The following SYT17 variants were observed in gnomAD, a reference collection of about 807,000 sequenced individuals.
SYT17 encodes synaptotagmin-17.
In SYT17, 22 loss-of-function variants were observed where a neutral mutation model predicts 46.7. That is an observed-to-expected ratio of 0.47 (90% CI 0.34 to 0.67). SYT17 has a LOEUF of 0.67. Among genes scored for constraint, SYT17 ranks in the 30% least tolerant of loss-of-function variants. SYT17 has a pLI of 0.01. For missense variants in SYT17, 519 were observed against 612.8 expected (o/e 0.85, Z 1.62); for synonymous variants, 251 against 248.4 (o/e 1.01, Z -0.10).
chr16:19,203,239 C>A (rs962798691), intron 5 of SYT17, among the ~76,000 whole-genome samples: 2 of 151,906 alleles, frequency 1.3e-5, no homozygotes, highest in East Asian at 3.9e-4. Flanking sequence ...GCCTGTAATC[C>A]CAGCAGTTTG....
At chr16:19,266,404 C>T (rs955740419) in intron 7 of SYT17, among the ~76,000 whole-genome samples, 18 of 152,230 alleles carry the variant, frequency 1.2e-4, no homozygotes, top group African/African-American at 3.6e-4. Context: ...AGGACAGTTA[C>T]GGCAAAGGAT....
In SYT17 at chr16:19,184,082, C is replaced by T; in HGVS notation, c.886C>T (p.Pro296Ser). Reference protein sequence around the residue: ...RHCVIGKVSVPLCEVDLVKGG... With the variant: ...RHCVIGKVSVSLCEVDLVKGG... ...CTGTGTCATTGGGAAAGTTTCTGTG[C>T]CTTTGTGTGAAGTTGACCTGGTCAA... is the stretch of plus-strand genomic sequence containing the variant. The change falls in exon 5 of 8, where the codon CCT (proline) becomes TCT (serine). Residue 296 changes from proline to serine, a missense_variant. Physicochemically the swap from Pro to Ser is moderately conservative, Grantham distance 74 (BLOSUM62 -1). Coordinates refer to ENST00000355377, the MANE Select transcript of SYT17 (RefSeq NM_016524.4). The T allele has an allele frequency of 6.2e-7, 1 of 1,614,154 alleles. No individual in the cohort carries two copies. Among genetic ancestry groups the T allele is most frequent in the South Asian group, 1.1e-5 (1 of 91,090 alleles).
chr16:19,214,663 G>C (rs1966025074), intron 5 of SYT17, among the ~76,000 whole-genome samples: 1 of 152,130 alleles, frequency 6.6e-6, no homozygotes, highest in African/African-American at 2.4e-5. Flanking sequence ...CATATTCTGG[G>C]GCAGAGACCC....
At chr16:19,251,022 A>G (rs7359333) in intron 7 of SYT17, among the ~76,000 whole-genome samples, 2 of 151,964 alleles carry the variant, frequency 1.3e-5, no homozygotes, top group African/African-American at 2.4e-5. Flanking sequence ...TTGTGTGTAG[A>G]TGTCATTTTT....
chr16:19,188,601 G>A (rs1384682843), intron 5 of SYT17, among the ~76,000 whole-genome samples: 1 of 151,502 alleles, frequency 6.6e-6, no homozygotes, highest in African/African-American at 2.4e-5. Flanking sequence ...CAGAGATGGC[G>A]ATTTGGATGT....
intron 5 of SYT17, among the ~76,000 whole-genome samples, chr16:19,192,641 T>A (rs1332424140): frequency 6.6e-6 from 1 of 151,892 alleles, no homozygotes; most frequent in Non-Finnish European, 1.5e-5. Flanking sequence ...TTAGGAAAAA[T>A]TGCTGTGGTC....
chr16:19,168,306 G>A lies in SYT17; in HGVS notation c.-341G>A, dbSNP rs1479407333. ...TCGCTGCAGTCCCCGCAGCTGCCCC[G>A]GGCTGCTTGCCCAGGCGCCCCGGCC... is the stretch of plus-strand genomic sequence containing the variant. On this transcript the variant is annotated 5_prime_UTR_variant, in exon 1 of 8. Transcript: ENST00000355377. The surrounding 1 kb of genome is among the most constrained non-coding windows in gnomAD (Gnocchi z 6.9). The A allele has an allele frequency of 3.3e-6, 1 of 305,196 alleles. No homozygotes were observed. Among genetic ancestry groups the A allele is most frequent in the South Asian group, 3.8e-5 (1 of 26,338 alleles). 18.9% of individuals were successfully genotyped at this position (305,196 alleles called of 1,614,324 possible).
intron 7 of SYT17, 138 bp downstream of exon 7, chr16:19,224,976 T>A: frequency 1.1e-6 from 1 of 944,884 alleles, no homozygotes; most frequent in Non-Finnish European, 1.6e-6. Context: ...TGAACCCACT[T>A]AACATCTATG....
chr16:19,212,601 A>G (rs962226076), intron 5 of SYT17, among the ~76,000 whole-genome samples: 2 of 152,238 alleles, frequency 1.3e-5, no homozygotes, highest in African/African-American at 4.8e-5. Context: ...AACTTGAGCC[A>G]CAGAGCGAGA....
At chr16:19,189,177 C>G (rs997402358) in intron 5 of SYT17, among the ~76,000 whole-genome samples, 1 of 152,106 alleles carries the variant, frequency 6.6e-6, no homozygotes, top group Non-Finnish European at 1.5e-5. Context: ...TGAGCCACGT[C>G]TTTTCTCTTC....
At chr16:19,241,020 T>G (rs1967072149) in intron 7 of SYT17, among the ~76,000 whole-genome samples, 1 of 142,746 alleles carries the variant, frequency 7.0e-6, no homozygotes, top group South Asian at 2.3e-4. Context: ...GGATCTCGGC[T>G]CACTGCAAGC....
intron 7 of SYT17, among the ~76,000 whole-genome samples, chr16:19,241,706 A>C (rs1183098633): frequency 2.0e-5 from 3 of 151,228 alleles, no homozygotes; most frequent in African/African-American, 7.3e-5. Context: ...AGGACCATCC[A>C]CCTCCTTCCT....
intron 7 of SYT17, among the ~76,000 whole-genome samples, chr16:19,262,677 C>A (rs900333156): frequency 1.3e-5 from 2 of 152,160 alleles, no homozygotes; most frequent in African/African-American, 4.8e-5. Flanking sequence ...GCCTTGGTGT[C>A]CAGCATAGTT....
rs1567234764 is a variant in SYT17, at chr16:19,252,460, TATATATATAC to T, written c.1229-14410_1229-14401del. Among the ~76,000 whole-genome samples the T allele has an allele frequency of 1.3e-3, 13 of 9,968 alleles. 5 individuals are homozygous for T. The highest frequency in any genetic ancestry group is 7.0e-3 in the African/African-American group (13 of 1,856). 6.5% of individuals were successfully genotyped at this position (9,968 alleles called of 152,430 possible). A position where few individuals can be genotyped will look rare whatever the true frequency, so the allele number is the denominator to read the frequency against. ...ATACATATATATACACATATATACA[TATATATATAC>T]ATATATATATACATATATATATACA... On this transcript the variant is annotated intron_variant, in intron 7 of 7. Transcript: ENST00000355377.
At chr16:19,177,996 A>G (rs1286124195) in intron 3 of SYT17, among the ~76,000 whole-genome samples, 1 of 152,010 alleles carries the variant, frequency 6.6e-6, no homozygotes, top group Non-Finnish European at 1.5e-5. Context: ...AGTGGTGCAA[A>G]TTAGTTATTC....
chr16:19,173,616 T>G (rs1964196082), intron 3 of SYT17, 38 bp downstream of exon 3: 1 of 1,603,032 alleles, frequency 6.2e-7, no homozygotes, highest in African/African-American at 1.3e-5. Context: ...GAAATCAATT[T>G]CAAGACTTTT....
intron 5 of SYT17, among the ~76,000 whole-genome samples, chr16:19,207,392 G>A (rs1359015212): frequency 2.0e-5 from 3 of 152,168 alleles, no homozygotes; most frequent in African/African-American, 7.2e-5. Flanking sequence ...AATTTATAAA[G>A]AAGAGGTTTA....
In SYT17 at chr16:19,266,950, C is replaced by T; in HGVS notation, c.1299C>T (p.Gly433=). 3 of 1,613,834 alleles carry T rather than the reference C, an allele frequency of 1.9e-6. No individual in the cohort carries two copies. The highest frequency in any genetic ancestry group is 2.7e-5 in the African/African-American group (2 of 74,954). ...TCGTCATTGGCCAGTACTCTTCAGG[C>T]CCCTCTGAGACCAACCACTGGAGGC... The part of the protein sequence containing the change: ...GRIVIGQYSS[G]PSETNHWRRM... Residue 433 remains glycine, a synonymous_variant, in exon 8 of 8, where the codon GGC becomes GGT. Coordinates refer to ENST00000355377, the MANE Select transcript of SYT17 (RefSeq NM_016524.4).
intron 5 of SYT17, among the ~76,000 whole-genome samples, chr16:19,191,789 TG>T (rs1400100448): frequency 9.2e-5 from 14 of 152,198 alleles, no homozygotes; most frequent in East Asian, 5.8e-4. Context: ...TGTTTTGTTT[TG>T]TTTTTTTGTT....
Sources: gnomAD v4.1 joint callset for allele counts (sites outside exome capture counted in the v4.1 genomes callset) on GRCh38, gnomAD v4.1.1 for gene constraint, Gnocchi (gnomAD v3.1) non-coding constraint, MANE v1.5 for transcripts, NCBI Gene and HGNC (gene_info 2026-07-23, HGNC 2026-07-21) for gene names.